Variants in RTL4 observed in about 807,000 individuals in gnomAD.
The protein encoded by RTL4 is retrotransposon Gag like 4.
A neutral mutation model predicts 5.3 loss-of-function variants in RTL4; 4 were observed. That is an observed-to-expected ratio of 0.75 (90% CI 0.37 to 1.72). RTL4 has a LOEUF of 1.72. Ranked by LOEUF, RTL4 falls within the 40% of genes most tolerant of loss-of-function variation. The probability of loss-of-function intolerance (pLI) is 0.04; values close to 1 mark genes in which losing one functional copy is unlikely to be tolerated. For synonymous variants in RTL4, 98 were observed against 87.3 expected (o/e 1.12, Z -0.68); for missense variants, 260 against 227.1 (o/e 1.14, Z -0.93).
chrX:112,213,964 G>C, the RTL4 span, among the ~76,000 whole-genome samples: 1 of 105,753 alleles, frequency 9.5e-6, no homozygotes. Context: ...TACAATCTAT[G>C]CCATAAACTT....
the RTL4 span, among the ~76,000 whole-genome samples, chrX:112,289,585 A>C: frequency 8.9e-6 from 1 of 112,081 alleles, no homozygotes; most frequent in Non-Finnish European, 1.9e-5. Context: ...CATTTGACTC[A>C]TCTGTTCAAT....
chrX:112,168,204 C>G, the RTL4 span, among the ~76,000 whole-genome samples: 1 of 111,668 alleles, frequency 9.0e-6, no homozygotes, highest in African/African-American at 3.3e-5. Context: ...CTCTGCTTCT[C>G]TTCCATACTT....
the RTL4 span, among the ~76,000 whole-genome samples, chrX:112,370,048 C>A: frequency 8.9e-6 from 1 of 111,738 alleles, no homozygotes; most frequent in Non-Finnish European, 1.9e-5. Context: ...ATTAGACATT[C>A]AACTGAAGAC....
the RTL4 span, among the ~76,000 whole-genome samples, chrX:112,333,696 T>TGA: frequency 9.0e-6 from 1 of 111,677 alleles, no homozygotes; most frequent in Non-Finnish European, 1.9e-5. Flanking sequence ...TATATATTTA[T>TGA]GAGGTATATG....
chrX:112,366,191 G>A, the RTL4 span, among the ~76,000 whole-genome samples: 2 of 111,327 alleles, frequency 1.8e-5, no homozygotes, highest in African/African-American at 3.3e-5. Flanking sequence ...GCTCTGCTCT[G>A]CTCTGTGGGA....
chrX:112,161,034 A>T, the RTL4 span, among the ~76,000 whole-genome samples: 644 of 111,653 alleles, frequency 5.8e-3, 11 homozygotes, highest in Admixed American at 0.037. Context: ...AAAATAACTA[A>T]CAGAGTAAAT....
chrX:112,173,730 T>C, the RTL4 span, among the ~76,000 whole-genome samples: 1 of 109,962 alleles, frequency 9.1e-6, no homozygotes. Context: ...AAGGACTGAG[T>C]CATCCTAGGA....
At chrX:112,359,381 T>A in the RTL4 span, among the ~76,000 whole-genome samples, 2 of 111,759 alleles carry the variant, frequency 1.8e-5, no homozygotes, top group South Asian at 7.4e-4. Flanking sequence ...AGATAATTGA[T>A]CTTATTCATT....
chrX:112,162,908 T>A, the RTL4 span, among the ~76,000 whole-genome samples: 1 of 111,795 alleles, frequency 8.9e-6, no homozygotes, highest in Admixed American at 9.5e-5. Flanking sequence ...AGAAAGGAGA[T>A]GAATTTATTT....
chrX:112,229,614 G>C, the RTL4 span, among the ~76,000 whole-genome samples: 2 of 111,988 alleles, frequency 1.8e-5, no homozygotes, highest in Non-Finnish European at 3.8e-5. Context: ...ATTGTTTTGG[G>C]CCACACATAA....
the RTL4 span, among the ~76,000 whole-genome samples, chrX:112,237,945 G>A: frequency 2.7e-5 from 3 of 111,751 alleles, no homozygotes; most frequent in Non-Finnish European, 5.6e-5. Flanking sequence ...GTGTTAGGAA[G>A]GTGGCCCACT....
chrX:112,301,738 G>C, the RTL4 span, among the ~76,000 whole-genome samples: 1 of 110,317 alleles, frequency 9.1e-6, no homozygotes, highest in African/African-American at 3.3e-5. Flanking sequence ...CGAGGTGGGA[G>C]TATCACTTGA....
chrX:112,318,991 T>C, the RTL4 span, among the ~76,000 whole-genome samples: 2 of 111,364 alleles, frequency 1.8e-5, no homozygotes, highest in Admixed American at 1.9e-4. Context: ...GTCAGCACTA[T>C]AGACAAAAAC....
chrX:112,431,096 T>TTC, the RTL4 span, among the ~76,000 whole-genome samples: 2 of 110,661 alleles, frequency 1.8e-5, no homozygotes, highest in Admixed American at 9.6e-5. Flanking sequence ...GTTTTCTTTT[T>TTC]TCTCTCTCTC....
chrX:112,294,336 C>T, the RTL4 span, among the ~76,000 whole-genome samples: 1 of 111,303 alleles, frequency 9.0e-6, no homozygotes, highest in African/African-American at 3.3e-5. Flanking sequence ...GTGGCTCACA[C>T]CCATAATCCC....
chrX:112,415,879 C>T, the RTL4 span, among the ~76,000 whole-genome samples: 6 of 111,515 alleles, frequency 5.4e-5, no homozygotes, highest in African/African-American at 2.0e-4. Flanking sequence ...CAAGGGCATG[C>T]TTCTTCTACT....
At chrX:112,435,899 A>T in the RTL4 span, among the ~76,000 whole-genome samples, 2 of 111,769 alleles carry the variant, frequency 1.8e-5, no homozygotes, top group South Asian at 7.4e-4. Context: ...CAAACTTCAC[A>T]GTTTTGCTTA....
chrX:112,276,498 A>G, the RTL4 span, among the ~76,000 whole-genome samples: 667 of 112,264 alleles, frequency 5.9e-3, 9 homozygotes, highest in East Asian at 0.053. Context: ...ATAAGCAAAT[A>G]TGTTTAACTC....
chrX:112,192,334 T>C, the RTL4 span, among the ~76,000 whole-genome samples: 2 of 110,714 alleles, frequency 1.8e-5, no homozygotes, highest in African/African-American at 6.6e-5. Flanking sequence ...TTGTCTTATT[T>C]CCAATCTTAG....
Sources: gnomAD v4.1 joint callset for allele counts (sites outside exome capture counted in the v4.1 genomes callset) on GRCh38, gnomAD v4.1.1 for gene constraint, MANE v1.5 for transcripts, NCBI Gene and HGNC (gene_info 2026-07-23, HGNC 2026-07-21) for gene names.